RFT1: variants seen among roughly 807,000 people sequenced by gnomAD.
The protein encoded by RFT1 is RFT1 glycolipid translocator homolog.
RFT1 carries 43 observed loss-of-function variants against 62.2 expected under a neutral mutation model. That is an observed-to-expected ratio of 0.69 (90% CI 0.54 to 0.89). The LOEUF (loss-of-function observed/expected upper bound fraction) is 0.89. RFT1 is among the 40% of genes least tolerant of loss of function. The pLI, the probability that RFT1 is intolerant of heterozygous loss-of-function variation, is 0.00. For missense variants in RFT1, 605 were observed against 649.9 expected (o/e 0.93, Z 0.75); for synonymous variants, 262 against 264.6 (o/e 0.99, Z 0.10).
At chr3:53,130,308 A>G in intron 1 of RFT1, 30 bp downstream of exon 1, 1 of 1,555,872 alleles carries the variant, frequency 6.4e-7, no homozygotes, top group African/African-American at 1.4e-5. Flanking sequence ...CGGCTGCAGT[A>G]CAAGCTGGAA....
chr3:53,070,146 T>C, the RFT1 span, among the ~76,000 whole-genome samples: 4 of 152,092 alleles, frequency 2.6e-5, no homozygotes, highest in Admixed American at 2.0e-4. Context: ...CTGGGTGTGA[T>C]AGCTCATGCC....
intron 6 of RFT1, among the ~76,000 whole-genome samples, chr3:53,118,082 A>T (rs1701859113): frequency 6.6e-6 from 1 of 152,112 alleles, no homozygotes; most frequent in Non-Finnish European, 1.5e-5. Context: ...TTTTGTAGAG[A>T]CAGTCTTGCC....
chr3:53,116,792 C>T (rs567213295), intron 6 of RFT1, among the ~76,000 whole-genome samples: 7 of 151,986 alleles, frequency 4.6e-5, no homozygotes, highest in Middle Eastern at 3.4e-3. Context: ...TTAGTAGAGA[C>T]GGGGTTTCAC....
intron 6 of RFT1, among the ~76,000 whole-genome samples, chr3:53,119,152 T>A (rs1157862130): frequency 6.6e-6 from 1 of 151,424 alleles, no homozygotes; most frequent in Non-Finnish European, 1.5e-5. Context: ...AGGTCAAGGC[T>A]GTAGTGAGCT....
chr3:53,091,389 C>A lies in RFT1; in HGVS notation c.*514G>T. 1 of 161,838 alleles carries A rather than the reference C, an allele frequency of 6.2e-6. No individual in the cohort carries two copies. Among genetic ancestry groups the A allele is most frequent in the Non-Finnish European group, 1.4e-5 (1 of 73,130 alleles). 10.0% of individuals were successfully genotyped at this position (161,838 alleles called of 1,614,324 possible). On this transcript the variant is annotated 3_prime_UTR_variant, in exon 13 of 13. Coordinates refer to ENST00000296292, the MANE Select transcript of RFT1 (RefSeq NM_052859.4). ...TTTTTCCTTCTCTAAAAACTCAGAC[C>A]ACAGTTTTGACACAAAGAAAGCCAC...
chr3:53,068,898 C>T, the RFT1 span, among the ~76,000 whole-genome samples: 1 of 152,150 alleles, frequency 6.6e-6, no homozygotes, highest in Non-Finnish European at 1.5e-5. Flanking sequence ...AGATATTCAA[C>T]ACTTTATTAT....
the RFT1 span, among the ~76,000 whole-genome samples, chr3:53,080,134 T>G: frequency 1.3e-5 from 2 of 152,222 alleles, no homozygotes; most frequent in African/African-American, 4.8e-5. Flanking sequence ...CCCATTTTCT[T>G]TCTGTCTTAA....
At chr3:53,097,988 G>C (rs998723238) in intron 11 of RFT1, among the ~76,000 whole-genome samples, 1 of 152,190 alleles carries the variant, frequency 6.6e-6, no homozygotes, top group African/African-American at 2.4e-5. Flanking sequence ...TCAATTTAGA[G>C]GGTAATGGCA....
intron 9 of RFT1, among the ~76,000 whole-genome samples, chr3:53,104,575 C>T (rs1258315195): frequency 6.6e-6 from 1 of 152,140 alleles, no homozygotes; most frequent in Non-Finnish European, 1.5e-5. Flanking sequence ...TATACACTAG[C>T]CAGCTCTGTG....
In RFT1 at chr3:53,125,929, G is replaced by A. The variant is rs148510042; in HGVS notation, c.129C>T (p.Ile43=). 3.7e-6 allele frequency: 6 copies of A among 1,613,620 alleles called. No individual in the cohort carries two copies. Among genetic ancestry groups the A allele is most frequent in the Non-Finnish European group, 5.1e-6 (6 of 1,179,670 alleles). ...CCTACCTTACATTTACTACGCCAAC[G>A]ATTTCCTTTGACAGGAAGCGAAGAA... ...AFILRFLSKE[I]VGVVNVRLTL... The change falls in exon 2 of 13, where the codon ATC becomes ATT. Residue 43 remains isoleucine, a synonymous_variant. Coordinates refer to ENST00000296292, the MANE Select transcript of RFT1 (RefSeq NM_052859.4).
chr3:53,077,368 C>T, the RFT1 span, among the ~76,000 whole-genome samples: 1 of 152,206 alleles, frequency 6.6e-6, no homozygotes, highest in Admixed American at 6.5e-5. Context: ...GCTCAAAGAC[C>T]TTCCCCAAGC....
intron 11 of RFT1, among the ~76,000 whole-genome samples, chr3:53,095,923 C>A (rs1701126285): frequency 6.6e-6 from 1 of 152,104 alleles, no homozygotes; most frequent in Non-Finnish European, 1.5e-5. Flanking sequence ...GTTATGGAGT[C>A]CACTTTGGCA....
At chr3:53,125,335 G>A (rs1360583756) in intron 2 of RFT1, among the ~76,000 whole-genome samples, 1 of 152,156 alleles carries the variant, frequency 6.6e-6, no homozygotes, top group African/African-American at 2.4e-5. Context: ...AATATGCGTG[G>A]GTGTCCTTGA....
intron 11 of RFT1, 59 bp downstream of exon 11, chr3:53,099,322 C>A: frequency 7.2e-7 from 1 of 1,392,034 alleles, no homozygotes; most frequent in Admixed American, 1.7e-5. Context: ...AAAAGCTTGA[C>A]AAGTTATTTC....
chr3:53,070,697 A>T, the RFT1 span, among the ~76,000 whole-genome samples: 1 of 151,364 alleles, frequency 6.6e-6, no homozygotes, highest in Admixed American at 6.6e-5. Flanking sequence ...TAAAGTAAAA[A>T]TGCATTCATG....
At chr3:53,074,008 G>T in the RFT1 span, among the ~76,000 whole-genome samples, 2 of 152,194 alleles carry the variant, frequency 1.3e-5, no homozygotes, top group African/African-American at 4.8e-5. Flanking sequence ...AGTTAGGTCT[G>T]CGGGGCCCCG....
chr3:53,118,927 C>T (rs1429550890), intron 6 of RFT1, among the ~76,000 whole-genome samples: 1 of 152,104 alleles, frequency 6.6e-6, no homozygotes, highest in Non-Finnish European at 1.5e-5. Context: ...CAGAAGGAGA[C>T]CACGTGAGGC....
chr3:53,113,796 A>C (rs547186802), intron 6 of RFT1, among the ~76,000 whole-genome samples: 52 of 152,334 alleles, frequency 3.4e-4, no homozygotes, highest in South Asian at 1.7e-3. Context: ...CTCTATAGCC[A>C]CATGTGGCTG....
chr3:53,103,766 C>G (rs373854862), intron 10 of RFT1, 187 bp downstream of exon 10: 2 of 714,520 alleles, frequency 2.8e-6, no homozygotes, highest in South Asian at 3.4e-5. Flanking sequence ...GGCGCCAACG[C>G]CCCTGCCTAT....
Sources: allele counts gnomAD v4.1 joint callset (sites outside exome capture counted in the v4.1 genomes callset), GRCh38; gene constraint gnomAD v4.1.1; transcripts MANE v1.5; gene names NCBI Gene and HGNC (gene_info 2026-07-23, HGNC 2026-07-21).